Variants in TSHZ2 observed in about 807,000 individuals in gnomAD.
The protein encoded by TSHZ2 is teashirt zinc finger homeobox 2, also known as teashirt homolog 2.
In TSHZ2, 21 loss-of-function variants were observed where a neutral mutation model predicts 74.4. That is an observed-to-expected ratio of 0.28 (90% CI 0.20 to 0.41). TSHZ2 has a LOEUF of 0.41. TSHZ2 is among the 10% of genes least tolerant of loss of function. The pLI, the probability that TSHZ2 is intolerant of heterozygous loss-of-function variation, is 1.00. For missense variants in TSHZ2, 1,244 were observed against 1,293.5 expected (o/e 0.96, Z 0.59); for synonymous variants, 540 against 515.3 (o/e 1.05, Z -0.65).
intron 1 of TSHZ2, among the ~76,000 whole-genome samples, chr20:53,131,787 G>A (rs886916755): frequency 7.4e-6 from 1 of 135,264 alleles, no homozygotes; most frequent in Non-Finnish European, 1.5e-5. Context: ...ATTTTAATCT[G>A]TTACTCTTCA....
intron 1 of TSHZ2, among the ~76,000 whole-genome samples, chr20:53,128,050 C>T (rs929272284): frequency 4.6e-5 from 7 of 151,994 alleles, no homozygotes; most frequent in African/African-American, 1.2e-4. Flanking sequence ...TGGCTTTAAT[C>T]GTAAAACTTG....
chr20:53,288,504 G>A lies in TSHZ2; in HGVS notation c.*8+31933G>A, dbSNP rs926113516. Among the ~76,000 whole-genome samples, 4 of 152,024 alleles carry A rather than the reference G, an allele frequency of 2.6e-5. No individual in the cohort carries two copies. The South Asian group carries it at 8.3e-4, about 32-fold the overall frequency. On this transcript the variant is annotated intron_variant, in intron 2 of 2. Transcript: ENST00000371497. ...ATAGAAGTCTAGTTTTCTCACATCT[G>A]TGTTTTTTTGCCAAAGTCTTGGAGA...
intron 2 of TSHZ2, among the ~76,000 whole-genome samples, chr20:53,333,545 TC>T (rs1979816751): frequency 6.6e-6 from 1 of 151,742 alleles, no homozygotes; most frequent in Admixed American, 6.6e-5. Flanking sequence ...AAGCTCCGCC[TC>T]CCGGGTTCAC....
chr20:53,163,603 C>G (rs1378948376), intron 1 of TSHZ2, among the ~76,000 whole-genome samples: 2 of 152,026 alleles, frequency 1.3e-5, no homozygotes, highest in African/African-American at 4.8e-5. Flanking sequence ...TCTCTTGAAT[C>G]ACTCACGCTG....
intron 2 of TSHZ2, among the ~76,000 whole-genome samples, chr20:53,274,044 G>A (rs567759181): frequency 6.6e-6 from 1 of 152,306 alleles, no homozygotes; most frequent in African/African-American, 2.4e-5. Context: ...ACTTTGGGAG[G>A]CCAAGGCGGG....
chr20:53,084,485 AAACTT>A (rs1360191603), intron 1 of TSHZ2, among the ~76,000 whole-genome samples: 38 of 152,202 alleles, frequency 2.5e-4, no homozygotes, highest in African/African-American at 9.2e-4. Flanking sequence ...TTTGTTGACT[AAACTT>A]CTATCAGTTT....
intron 2 of TSHZ2, among the ~76,000 whole-genome samples, chr20:53,472,708 G>A (rs1254649809): frequency 3.9e-5 from 6 of 151,972 alleles, no homozygotes; most frequent in African/African-American, 4.8e-5. Context: ...CCTGAGCGAC[G>A]CAGAAGACGG....
intron 1 of TSHZ2, among the ~76,000 whole-genome samples, chr20:53,206,804 C>A (rs1282890311): frequency 6.6e-6 from 1 of 152,326 alleles, no homozygotes; most frequent in Middle Eastern, 3.4e-3. Context: ...GTGGGCATTT[C>A]TCCAGCCCTG....
chr20:53,373,926 G>C (rs1296051133), intron 2 of TSHZ2, among the ~76,000 whole-genome samples: 1 of 152,106 alleles, frequency 6.6e-6, no homozygotes, highest in Non-Finnish European at 1.5e-5. Flanking sequence ...GCTTCCCAAA[G>C]TGTGATATAC....
intron 1 of TSHZ2, among the ~76,000 whole-genome samples, chr20:53,075,179 T>C (rs1297734429): frequency 6.6e-6 from 1 of 152,226 alleles, no homozygotes; most frequent in Non-Finnish European, 1.5e-5. Flanking sequence ...TGGGCTGTTA[T>C]AATGAGTAAG....
At chr20:53,003,280 G>GTGTGTA (rs990268655) in intron 1 of TSHZ2, among the ~76,000 whole-genome samples, 2 of 151,578 alleles carry the variant, frequency 1.3e-5, no homozygotes, top group African/African-American at 4.9e-5. Flanking sequence ...GTGTGTGTGT[G>GTGTGTA]TGTGTGTGTG....
At position 53,146,241 on chromosome 20, in the gene TSHZ2, G is replaced by A. The variant is rs192096004; in HGVS notation, c.41-107258G>A. On this transcript the variant is annotated intron_variant, in intron 1 of 2. Coordinates refer to ENST00000371497, the MANE Select transcript of TSHZ2 (RefSeq NM_173485.6). ...AAATCATCAGTGAATGCAGTTGTGG[G>A]GCAGGGGGCGGATGAGTCAACACAA... Among the ~76,000 whole-genome samples the A allele has an allele frequency of 2.4e-4, 36 of 152,210 alleles. No individual in the cohort carries two copies. In the East Asian group the frequency reaches 6.6e-3, roughly 28 times the overall value.
chr20:53,295,842 C>G (rs1292978583), intron 2 of TSHZ2, among the ~76,000 whole-genome samples: 1 of 152,054 alleles, frequency 6.6e-6, no homozygotes, highest in Non-Finnish European at 1.5e-5. Context: ...TTGAGATTTT[C>G]TTTTTTGGAG....
At chr20:52,973,409 CG>C (rs1280445723) in intron 1 of TSHZ2, 76 bp downstream of exon 1, 8 of 1,531,112 alleles carry the variant, frequency 5.2e-6, no homozygotes, top group Non-Finnish European at 7.1e-6. Flanking sequence ...CCTGGGTGCC[CG>C]GGGGCACCAC....
chr20:53,038,377 G>T (rs1983905117), intron 1 of TSHZ2, among the ~76,000 whole-genome samples: 1 of 152,064 alleles, frequency 6.6e-6, no homozygotes. Flanking sequence ...GGAAGATTGG[G>T]TTTCTCCCCT....
At chr20:53,024,728 T>C (rs951409545) in intron 1 of TSHZ2, among the ~76,000 whole-genome samples, 7 of 152,160 alleles carry the variant, frequency 4.6e-5, no homozygotes, top group African/African-American at 1.4e-4. Flanking sequence ...CTCCCACTTA[T>C]GAGGAACAAC....
intron 2 of TSHZ2, among the ~76,000 whole-genome samples, chr20:53,264,987 G>A (rs1213354103): frequency 2.6e-5 from 4 of 152,186 alleles, no homozygotes; most frequent in African/African-American, 9.7e-5. Flanking sequence ...CCCAAGAAGC[G>A]GTAAGAGTAC....
chr20:53,271,981 CTT>C (rs1990849563), intron 2 of TSHZ2, among the ~76,000 whole-genome samples: 1 of 151,774 alleles, frequency 6.6e-6, no homozygotes, highest in South Asian at 2.1e-4. Flanking sequence ...ATGAAATTGA[CTT>C]TGCAGGGCTG....
chr20:53,246,881 C>T (rs527410589), intron 1 of TSHZ2, among the ~76,000 whole-genome samples: 18 of 152,314 alleles, frequency 1.2e-4, no homozygotes, highest in East Asian at 7.7e-4. Flanking sequence ...AGTGTTTAGA[C>T]GGACCCCACC....
Sources: allele counts gnomAD v4.1 joint callset (sites outside exome capture counted in the v4.1 genomes callset), GRCh38; gene constraint gnomAD v4.1.1; transcripts MANE v1.5; gene names NCBI Gene and HGNC (gene_info 2026-07-23, HGNC 2026-07-21).